Variants in ESRRG observed in about 807,000 individuals in gnomAD.
ESRRG encodes estrogen-related receptor gamma.
ESRRG carries 13 observed loss-of-function variants against 44.0 expected under a neutral mutation model. The observed-to-expected ratio is 0.30, with a 90% confidence interval of 0.19 to 0.47. ESRRG has a LOEUF of 0.47. ESRRG is among the 20% of genes least tolerant of loss of function. ESRRG has a pLI of 1.00. For missense variants in ESRRG, 395 were observed against 580.6 expected, an observed-to-expected ratio of 0.68 and a Z score of 3.29; for synonymous variants, 215 against 214.6, an observed-to-expected ratio of 1.00 and a Z score of -0.02.
At chr1:217,028,311 C>G (rs1193515258) in intron 1 of ESRRG, among the ~76,000 whole-genome samples, 4 of 152,150 alleles carry the variant, frequency 2.6e-5, no homozygotes, top group Admixed American at 2.6e-4. Context: ...AGAAGATGCT[C>G]CTGCTGAAAA....
intron 1 of ESRRG, among the ~76,000 whole-genome samples, chr1:217,096,497 TC>T (rs2092424397): frequency 6.6e-6 from 1 of 152,136 alleles, no homozygotes; most frequent in Non-Finnish European, 1.5e-5. Flanking sequence ...TCATTCAACT[TC>T]CCAGAACCTG....
intron 2 of ESRRG, among the ~76,000 whole-genome samples, chr1:216,914,510 A>T (rs2060890722): frequency 1.3e-5 from 2 of 152,212 alleles, no homozygotes; most frequent in African/African-American, 4.8e-5. Context: ...TCTCAGAAGG[A>T]ACGCTCACAT....
intron 1 of ESRRG, among the ~76,000 whole-genome samples, chr1:216,699,477 C>G (rs2080957367): frequency 6.6e-6 from 1 of 152,068 alleles, no homozygotes; most frequent in African/African-American, 2.4e-5. Context: ...CTTCAGTCTA[C>G]CTGTCATGGA....
intron 2 of ESRRG, among the ~76,000 whole-genome samples, chr1:216,817,274 A>C (rs1357013629): frequency 3.3e-5 from 5 of 152,212 alleles, no homozygotes; most frequent in Admixed American, 3.3e-4. Context: ...GGTCTTAAAA[A>C]TGTATTTCAA....
intron 3 of ESRRG, among the ~76,000 whole-genome samples, chr1:216,597,889 T>C (rs919989498): frequency 2.6e-5 from 4 of 152,216 alleles, no homozygotes; most frequent in Non-Finnish European, 5.9e-5. Context: ...ACTCGTATTT[T>C]AGAAAGACCT....
At chr1:216,932,214 A>T (rs1013230028) in intron 2 of ESRRG, among the ~76,000 whole-genome samples, 3 of 152,126 alleles carry the variant, frequency 2.0e-5, no homozygotes, top group Non-Finnish European at 4.4e-5. Context: ...TGGGGGTGAA[A>T]AAAAGGTAAA....
intron 2 of ESRRG, among the ~76,000 whole-genome samples, chr1:216,833,535 G>A (rs1018553323): frequency 4.6e-5 from 7 of 152,062 alleles, no homozygotes; most frequent in African/African-American, 9.7e-5. Context: ...CAGATTCATC[G>A]TTTCTGTGAC....
rs1399750614 is a variant in ESRRG, at chr1:216,821,688, A to G, written c.-14+117894T>C. ...CGACAGAACAAGAACCTGCCTCAGG[A>G]AAAATAAATAAATAAATAAATAAAT... On this transcript the variant is annotated intron_variant, in intron 2 of 7. Coordinates refer to the ESRRG transcript ENST00000359162. Among the ~76,000 whole-genome samples the G allele has an allele frequency of 3.6e-4, 17 of 47,428 alleles. 2 individuals are homozygous for G. The highest frequency in any genetic ancestry group is 8.1e-4 in the Non-Finnish European group (16 of 19,838). The allele number at this position is 47,428 out of a possible 152,430, so 31.1% of individuals were successfully genotyped here. A position where few individuals can be genotyped will look rare whatever the true frequency, so the allele number is the denominator to read the frequency against.
At chr1:216,521,928 G>T (rs1429794546) in intron 5 of ESRRG, among the ~76,000 whole-genome samples, 4 of 152,076 alleles carry the variant, frequency 2.6e-5, no homozygotes, top group African/African-American at 9.7e-5. Context: ...TGAATTTAGT[G>T]CTGATGATGG....
intron 1 of ESRRG, among the ~76,000 whole-genome samples, chr1:216,944,144 A>G (rs1578467075): frequency 6.6e-6 from 1 of 152,354 alleles, no homozygotes; most frequent in East Asian, 1.9e-4. Flanking sequence ...GAGGTCAAGC[A>G]TATAATTCCA....
At chr1:217,124,852 G>C (rs1412028875) in intron 1 of ESRRG, among the ~76,000 whole-genome samples, 1 of 152,180 alleles carries the variant, frequency 6.6e-6, no homozygotes, top group Non-Finnish European at 1.5e-5. Context: ...CAAAGGTTGA[G>C]TATCCCTCAA....
chr1:216,684,988 C>T (rs536009330), intron 1 of ESRRG, among the ~76,000 whole-genome samples: 12 of 152,266 alleles, frequency 7.9e-5, no homozygotes, highest in East Asian at 3.9e-4. Context: ...ACCTCCTAGA[C>T]GGAAACAAAC....
intron 5 of ESRRG, among the ~76,000 whole-genome samples, chr1:216,529,503 T>C (rs1572362148): frequency 1.3e-5 from 2 of 152,296 alleles, no homozygotes; most frequent in South Asian, 2.1e-4. Flanking sequence ...ATGTTATTAC[T>C]AGAAAATGTC....
chr1:217,056,123 C>G (rs2087033303), intron 1 of ESRRG, among the ~76,000 whole-genome samples: 1 of 152,056 alleles, frequency 6.6e-6, no homozygotes, highest in African/African-American at 2.4e-5. Flanking sequence ...CTCTTTCTCC[C>G]AGTGATTCCA....
In ESRRG at chr1:216,757,206, G is replaced by A. The variant is rs544196403; in HGVS notation, c.-13-79715C>T. On this transcript the variant is annotated intron_variant, in intron 2 of 7. Transcript: ENST00000359162. Reference sequence around the variant, plus strand: ...GGGGAGAGGAATGATTTGTTTTTTCGTTACTGGTTATTTATAAGATATCTA... The same window carrying A: ...GGGGAGAGGAATGATTTGTTTTTTCATTACTGGTTATTTATAAGATATCTA... Among the ~76,000 whole-genome samples, 7 of 151,870 alleles carry A rather than the reference G, an allele frequency of 4.6e-5. No individual in the cohort carries two copies. In the South Asian group the frequency reaches 8.3e-4, roughly 18 times the overall value.
chr1:216,901,100 T>C (rs2059017218), intron 2 of ESRRG, among the ~76,000 whole-genome samples: 1 of 152,006 alleles, frequency 6.6e-6, no homozygotes, highest in South Asian at 2.1e-4. Flanking sequence ...CAAAACATGA[T>C]TGGAATTGAA....
intron 1 of ESRRG, among the ~76,000 whole-genome samples, chr1:217,096,508 G>A (rs1487122848): frequency 6.6e-6 from 1 of 152,118 alleles, no homozygotes; most frequent in East Asian, 1.9e-4. Flanking sequence ...CCCAGAACCT[G>A]GATTTCCTCT....
intron 2 of ESRRG, among the ~76,000 whole-genome samples, chr1:216,758,315 AT>A (rs2092579612): frequency 6.6e-6 from 1 of 151,980 alleles, no homozygotes; most frequent in South Asian, 2.1e-4. Flanking sequence ...GTCATTAGCG[AT>A]TGTTTCATAA....
intron 2 of ESRRG, among the ~76,000 whole-genome samples, chr1:216,878,926 G>A (rs902624947): frequency 2.6e-5 from 4 of 152,038 alleles, no homozygotes; most frequent in Non-Finnish European, 5.9e-5. Flanking sequence ...CCCAGTACAC[G>A]GCATAGTACC....
Sources: gnomAD v4.1 joint callset for allele counts (sites outside exome capture counted in the v4.1 genomes callset) on GRCh38, gnomAD v4.1.1 for gene constraint, MANE v1.5 for transcripts, NCBI Gene and HGNC (gene_info 2026-07-23, HGNC 2026-07-21) for gene names.